The following FBXL19 variants were observed in gnomAD, a reference collection of about 807,000 sequenced individuals.
The protein encoded by FBXL19 is F-box/LRR-repeat protein 19.
In FBXL19, 16 loss-of-function variants were observed where a neutral mutation model predicts 71.2. The ratio of observed to expected loss-of-function variants is 0.22; its 90% CI spans 0.15 to 0.34. The LOEUF (loss-of-function observed/expected upper bound fraction) is 0.34, where lower values mean the gene tolerates loss of function less well. Among genes scored for constraint, FBXL19 ranks in the 10% least tolerant of loss-of-function variants. The pLI, the probability that FBXL19 is intolerant of heterozygous loss-of-function variation, is 1.00. For missense variants in FBXL19, 658 were observed against 968.2 expected, an observed-to-expected ratio of 0.68 and a Z score of 4.25; for synonymous variants, 447 against 409.4, an observed-to-expected ratio of 1.09 and a Z score of -1.11.
chr16:30,936,096 G>A (rs1317722189), intron 7 of FBXL19, among the ~76,000 whole-genome samples: 6 of 152,148 alleles, frequency 3.9e-5, no homozygotes, highest in East Asian at 1.9e-4. Context: ...TGAAGGAAGC[G>A]CTGTTCTTCA....
At position 30,928,428 on chromosome 16, in the gene FBXL19, G is replaced by T. The variant is rs1299336972; in HGVS notation, c.628-39G>T. On this transcript the variant is annotated intron_variant, in intron 5 of 10. Coordinates refer to ENST00000338343, the MANE Select transcript of FBXL19 (RefSeq NM_001382779.1). ...TTCTGGCCCATGAGGGCCTAATGGG[G>T]TCTCTCCCTTCCTCCATATCTCCCT... 2.0e-6 allele frequency: 3 copies of T among 1,508,890 alleles called. No homozygotes were observed. In the African/African-American group the frequency reaches 4.3e-5, roughly 21 times the overall value. 93.5% of individuals were successfully genotyped at this position (1,508,890 alleles called of 1,614,324 possible). A position where few individuals can be genotyped will look rare whatever the true frequency, so the allele number is the denominator to read the frequency against.
intron 1 of FBXL19, 114 bp downstream of exon 1, chr16:30,924,573 C>G (rs1341145361): frequency 7.4e-7 from 1 of 1,347,498 alleles, no homozygotes; most frequent in Non-Finnish European, 9.5e-7. Flanking sequence ...TCTCTCTACT[C>G]CAAACTCATC....
intron 7 of FBXL19, among the ~76,000 whole-genome samples, chr16:30,934,657 C>A (rs1423668838): frequency 1.3e-5 from 2 of 148,456 alleles, no homozygotes; most frequent in African/African-American, 5.0e-5. Flanking sequence ...GACCCTGTCT[C>A]AAAAAAAAAA....
rs1567343225 is a variant in FBXL19 at position 30,948,039 on chromosome 16, CG to C, written c.*814del. Reference sequence around the variant, plus strand: ...ATCTGTACTGAAGTGTTACTTGAACCGGGGGAATCTCGGACCTGGGGGAGCC... The same window carrying C: ...ATCTGTACTGAAGTGTTACTTGAACCGGGGAATCTCGGACCTGGGGGAGCC... On this transcript the variant is annotated 3_prime_UTR_variant, in exon 11 of 11. Coordinates refer to ENST00000338343, the MANE Select transcript of FBXL19 (RefSeq NM_001382779.1). 1 of 271,622 alleles carries C rather than the reference CG, an allele frequency of 3.7e-6. No homozygotes were observed. The highest frequency in any genetic ancestry group is 7.5e-6 in the Non-Finnish European group (1 of 133,252). 16.8% of individuals were successfully genotyped at this position (271,622 alleles called of 1,614,324 possible). A position where few individuals can be genotyped will look rare whatever the true frequency, so the allele number is the denominator to read the frequency against.
rs970287082 is a variant in FBXL19, at chr16:30,943,308, G to A, written c.1627+772G>A. Among the ~76,000 whole-genome samples the A allele has an allele frequency of 3.3e-5, 5 of 151,222 alleles. No homozygotes were observed. In the East Asian group the frequency reaches 9.7e-4, roughly 29 times the overall value. On this transcript the variant is annotated intron_variant, in intron 9 of 10. Coordinates refer to ENST00000338343, the MANE Select transcript of FBXL19 (RefSeq NM_001382779.1). ...GGTTCAAGTGATCCTCCCCACCTCA[G>A]CCTCCTGAGTAGCTGGGCCTACAGG...
At position 30,943,670 on chromosome 16, in the gene FBXL19, G is replaced by A. The variant is rs145594363; in HGVS notation, c.1627+1134G>A. On this transcript the variant is annotated intron_variant, in intron 9 of 10. Coordinates refer to ENST00000338343, the MANE Select transcript of FBXL19 (RefSeq NM_001382779.1). ...ATTACAGGTGTTAGCCACCGCACCC[G>A]GCCTGTAATTCTTATAGAAACAGGG... Among the ~76,000 whole-genome samples the A allele has an allele frequency of 3.0e-4, 45 of 152,062 alleles. No homozygotes were observed. In the East Asian group the frequency reaches 7.7e-3, roughly 26 times the overall value.
chr16:30,930,023 G>A lies in FBXL19; in HGVS notation c.790-50G>A. 1 of 1,568,394 alleles carries A rather than the reference G, an allele frequency of 6.4e-7. No individual in the cohort carries two copies. Among genetic ancestry groups the A allele is most frequent in the Non-Finnish European group, 8.7e-7 (1 of 1,155,268 alleles). On this transcript the variant is annotated intron_variant, in intron 6 of 10. Transcript: ENST00000338343. The surrounding 1 kb of genome is among the most constrained non-coding windows in gnomAD (Gnocchi z 8.5). Reference sequence around the variant, plus strand: ...GGTGACTCCTCGGGGTAGGGGGGTGGGAAAATGTATCCCAGGCCCTAGAAC... The same window carrying A: ...GGTGACTCCTCGGGGTAGGGGGGTGAGAAAATGTATCCCAGGCCCTAGAAC...
intron 7 of FBXL19, among the ~76,000 whole-genome samples, chr16:30,938,706 G>A (rs1291187919): frequency 1.3e-5 from 2 of 151,966 alleles, no homozygotes; most frequent in Non-Finnish European, 2.9e-5. Flanking sequence ...GTGCAGTCTC[G>A]GCTCACTGCC....
chr16:30,926,440 A>C (rs1442806635), intron 2 of FBXL19, among the ~76,000 whole-genome samples: 1 of 152,146 alleles, frequency 6.6e-6, no homozygotes, highest in East Asian at 1.9e-4. Context: ...CATGGATGCG[A>C]GTGTGTCTAC....
chr16:30,930,433 C>A lies in FBXL19; in HGVS notation c.1150C>A (p.Pro384Thr). 6.5e-7 allele frequency: 1 copy of A among 1,527,082 alleles called. No homozygotes were observed. Among genetic ancestry groups the A allele is most frequent in the South Asian group, 1.2e-5 (1 of 82,592 alleles). 94.6% of individuals were successfully genotyped at this position (1,527,082 alleles called of 1,614,324 possible). A position where few individuals can be genotyped will look rare whatever the true frequency, so the allele number is the denominator to read the frequency against. ...PPQLERHVVR[P>T]PPRSPEPDTL... ...ACAGCTGGAGCGGCACGTGGTGCGG[C>A]CCCCGCCTCGAAGCCCTGAGCCCGA... Residue 384 changes from proline (P) to threonine (T), a missense_variant, in exon 7 of 11, where the codon CCC becomes ACC. Physicochemically the swap from Pro to Thr is conservative, Grantham distance 38. Transcript: ENST00000338343. This position sits in a 1 kb window ranked among gnomAD's most constrained non-coding sequence, Gnocchi z 8.5.
chr16:30,931,120 C>T (rs980888147), intron 7 of FBXL19, among the ~76,000 whole-genome samples: 1 of 152,092 alleles, frequency 6.6e-6, no homozygotes, highest in Non-Finnish European at 1.5e-5. Context: ...TTCCTTCTGC[C>T]CTGGAGCCAC....
At chr16:30,923,177 G>GAC, upstream of FBXL19, 1 of 456,674 alleles carries the variant, frequency 2.2e-6, no homozygotes, top group Non-Finnish European at 4.4e-6. Flanking sequence ...GAGGGTTGTG[G>GAC]ACAGGAGGGC....
intron 7 of FBXL19, among the ~76,000 whole-genome samples, chr16:30,936,601 C>CTTTTTTTTTTTTTTTTTTTTT (rs547272418): frequency 8.5e-6 from 1 of 118,170 alleles, no homozygotes; most frequent in Non-Finnish European, 1.7e-5. Context: ...AATTTTTTTT[C>CTTTTTTTTTTTTTTTTTTTTT]TTTTTTTTTT....
intron 7 of FBXL19, among the ~76,000 whole-genome samples, chr16:30,937,982 A>G (rs2143363470): frequency 6.6e-6 from 1 of 152,252 alleles, no homozygotes; most frequent in East Asian, 1.9e-4. Context: ...AGAAAGAGCA[A>G]AGGGGCAGGA....
intron 7 of FBXL19, among the ~76,000 whole-genome samples, chr16:30,936,931 C>T (rs1196789411): frequency 2.0e-5 from 3 of 151,754 alleles, no homozygotes; most frequent in Non-Finnish European, 2.9e-5. Context: ...TTAGTAGAGA[C>T]GAGGTTTCAC....
chr16:30,936,918 T>G (rs1440871282), intron 7 of FBXL19, among the ~76,000 whole-genome samples: 2 of 151,706 alleles, frequency 1.3e-5, no homozygotes, highest in Non-Finnish European at 2.9e-5. Flanking sequence ...AATTTTTGTA[T>G]TTTTAGTAGA....
chr16:30,942,087 G>T lies in FBXL19; in HGVS notation c.1302-29G>T. 6.6e-7 allele frequency: 1 copy of T among 1,522,768 alleles called. No individual in the cohort carries two copies. 94.3% of individuals were successfully genotyped at this position (1,522,768 alleles called of 1,614,324 possible). ...TGGGCTGCTGAGAGCTGAGGGCTGA[G>T]GTCTCTGTCTCCCCCCTATGGCCGC... On this transcript the variant is annotated intron_variant, in intron 7 of 10. Transcript: ENST00000338343. The surrounding 1 kb of genome is among the most constrained non-coding windows in gnomAD (Gnocchi z 5.7).
At chr16:30,931,300 C>T (rs1049627578) in intron 7 of FBXL19, among the ~76,000 whole-genome samples, 3 of 152,136 alleles carry the variant, frequency 2.0e-5, no homozygotes, top group Non-Finnish European at 4.4e-5. Flanking sequence ...CAGAGGCCTT[C>T]GGCGTGTTGA....
intron 1 of FBXL19, chr16:30,924,676 A>C: frequency 6.9e-7 from 1 of 1,443,772 alleles, no homozygotes; most frequent in Non-Finnish European, 9.1e-7. Context: ...CCCCGCCTGC[A>C]GTCGCCGCCC....
Sources: allele counts gnomAD v4.1 joint callset (sites outside exome capture counted in the v4.1 genomes callset), GRCh38; gene constraint gnomAD v4.1.1; non-coding constraint Gnocchi (gnomAD v3.1); transcripts MANE v1.5; gene names NCBI Gene and HGNC (gene_info 2026-07-23, HGNC 2026-07-21).